KAZN: variants seen among roughly 807,000 people sequenced by gnomAD.
KAZN encodes the protein kazrin, periplakin interacting protein.
Under a neutral mutation model 87.4 loss-of-function variants are expected in KAZN, and 40 were observed. The ratio of observed to expected loss-of-function variants is 0.46; its 90% CI spans 0.36 to 0.60. The LOEUF is 0.60. Among genes scored for constraint, KAZN ranks in the 20% least tolerant of loss-of-function variants. The pLI, the probability that KAZN is intolerant of heterozygous loss-of-function variation, is 0.00. For missense variants in KAZN, 898 were observed against 1,073.9 expected (o/e 0.84, Z 2.29); for synonymous variants, 466 against 458.3 (o/e 1.02, Z -0.22).
intron 3 of KAZN, among the ~76,000 whole-genome samples, chr1:15,041,125 ATTTTTT>A (rs376156652): frequency 1.4e-5 from 2 of 139,030 alleles, no homozygotes; most frequent in Admixed American, 7.3e-5. Flanking sequence ...GAATTTTTGT[ATTTTTT>A]TTTTTTTTTT....
intron 1 of KAZN, among the ~76,000 whole-genome samples, chr1:14,157,241 T>G (rs993780575): frequency 5.3e-5 from 8 of 150,064 alleles, no homozygotes; most frequent in Non-Finnish European, 1.0e-4. Flanking sequence ...ATTGTTTCAT[T>G]ATTTAGTCTT....
At chr1:14,509,391 A>T (rs1229563478) in intron 2 of KAZN, among the ~76,000 whole-genome samples, 4 of 152,158 alleles carry the variant, frequency 2.6e-5, no homozygotes, top group African/African-American at 9.7e-5. Flanking sequence ...ACTCAAGCGC[A>T]TGGTCTTTCC....
intron 1 of KAZN, among the ~76,000 whole-genome samples, chr1:14,958,290 C>T (rs1663394006): frequency 6.6e-6 from 1 of 152,206 alleles, no homozygotes; most frequent in Admixed American, 6.5e-5. Context: ...TCACGGAGCA[C>T]ATCTTGCATA....
intron 2 of KAZN, among the ~76,000 whole-genome samples, chr1:14,426,817 G>A (rs1665756544): frequency 6.6e-6 from 1 of 151,946 alleles, no homozygotes; most frequent in South Asian, 2.1e-4. Flanking sequence ...AGAATACCTG[G>A]GCTGCTTCTG....
chr1:14,547,621 C>T (rs767148147), intron 2 of KAZN, among the ~76,000 whole-genome samples: 2 of 152,142 alleles, frequency 1.3e-5, no homozygotes, highest in Non-Finnish European at 1.5e-5. Context: ...CTCGCTCTGT[C>T]GCCCAGGCTG....
chr1:15,044,251 CTAGGG>C, intron 4 of KAZN, 92 bp downstream of exon 4: 2 of 415,988 alleles, frequency 4.8e-6, no homozygotes, highest in Non-Finnish European at 7.4e-6. Context: ...CATCGGAGAC[CTAGGG>C]TGGGGTGGGT....
intron 1 of KAZN, among the ~76,000 whole-genome samples, chr1:14,630,341 T>C (rs1035089824): frequency 2.0e-5 from 3 of 152,128 alleles, no homozygotes; most frequent in Non-Finnish European, 4.4e-5. Context: ...TCTTGAGCTG[T>C]TGTTCAAGCT....
chr1:14,872,417 C>A (rs539361924), intron 1 of KAZN, among the ~76,000 whole-genome samples: 1 of 152,304 alleles, frequency 6.6e-6, no homozygotes, highest in South Asian at 2.1e-4. Context: ...TAAATTCAAA[C>A]AGCCACATAT....
chr1:14,118,842 T>C (rs1385749463), intron 1 of KAZN, among the ~76,000 whole-genome samples: 1 of 152,200 alleles, frequency 6.6e-6, no homozygotes, highest in Non-Finnish European at 1.5e-5. Flanking sequence ...GGAATTGGGT[T>C]GTCTGCTGAC....
intron 1 of KAZN, among the ~76,000 whole-genome samples, chr1:14,017,825 G>A (rs530976872): frequency 6.6e-6 from 1 of 152,258 alleles, no homozygotes; most frequent in African/African-American, 2.4e-5. Context: ...TTTTCATCCA[G>A]AGCTGTCATG....
At chr1:14,406,710 TTAAA>T (rs1186948758) in intron 2 of KAZN, among the ~76,000 whole-genome samples, 38 of 152,246 alleles carry the variant, frequency 2.5e-4, no homozygotes, top group Middle Eastern at 6.8e-3. Context: ...ATTAAAATGA[TTAAA>T]TAAACAAGTA....
At chr1:14,004,306 T>C (rs1639942486) in intron 1 of KAZN, among the ~76,000 whole-genome samples, 1 of 152,206 alleles carries the variant, frequency 6.6e-6, no homozygotes, top group South Asian at 2.1e-4. Context: ...TTTGGAAAAG[T>C]GTTTGGCAGT....
At chr1:14,870,414 C>A (rs1224137679) in intron 1 of KAZN, among the ~76,000 whole-genome samples, 1 of 152,202 alleles carries the variant, frequency 6.6e-6, no homozygotes, top group Non-Finnish European at 1.5e-5. Context: ...ACAATCTTGG[C>A]TCATTGCAAC....
intron 2 of KAZN, among the ~76,000 whole-genome samples, chr1:14,963,206 T>A (rs1303967203): frequency 6.6e-6 from 1 of 152,044 alleles, no homozygotes; most frequent in Admixed American, 6.6e-5. Flanking sequence ...TTTGTAGGAG[T>A]ATTAATATAA....
At chr1:14,094,563 T>A (rs1300203931) in intron 1 of KAZN, among the ~76,000 whole-genome samples, 1 of 152,216 alleles carries the variant, frequency 6.6e-6, no homozygotes, top group African/African-American at 2.4e-5. Context: ...GATCTTTATG[T>A]ACTAATAGAC....
At chr1:14,418,621 C>T (rs545582454) in intron 2 of KAZN, among the ~76,000 whole-genome samples, 1 of 152,272 alleles carries the variant, frequency 6.6e-6, no homozygotes, top group African/African-American at 2.4e-5. Context: ...GTTTTATAGA[C>T]AATCTGATTT....
chr1:14,118,109 GGC>G (rs1196154108), intron 1 of KAZN, among the ~76,000 whole-genome samples: 2 of 152,122 alleles, frequency 1.3e-5, no homozygotes, highest in African/African-American at 4.8e-5. Context: ...AGCTTTGGAG[GGC>G]AGCTCACAGG....
chr1:14,801,487 T>G (rs974474405), intron 1 of KAZN, among the ~76,000 whole-genome samples: 2 of 151,512 alleles, frequency 1.3e-5, no homozygotes, highest in Admixed American at 1.3e-4. Context: ...ACTGAGAGGG[T>G]GATTTAGGAT....
chr1:14,967,029 A>G (rs1416564046), intron 2 of KAZN, among the ~76,000 whole-genome samples: 1 of 152,170 alleles, frequency 6.6e-6, no homozygotes, highest in African/African-American at 2.4e-5. Context: ...TAGTCTGCAC[A>G]TGGAGGTGGG....
Sources: allele counts gnomAD v4.1 joint callset (sites outside exome capture counted in the v4.1 genomes callset), GRCh38; gene constraint gnomAD v4.1.1; transcripts MANE v1.5; gene names NCBI Gene and HGNC (gene_info 2026-07-23, HGNC 2026-07-21).